FER: variants seen among roughly 807,000 people sequenced by gnomAD.
FER encodes FER tyrosine kinase, also known as tyrosine-protein kinase Fer.
Under a neutral mutation model 111.0 loss-of-function variants are expected in FER, and 63 were observed. That is an observed-to-expected ratio of 0.57 (90% CI 0.46 to 0.70). The LOEUF is 0.70. FER is among the 30% of genes least tolerant of loss of function. The probability of loss-of-function intolerance (pLI) is 0.00; values close to 1 mark genes in which losing one functional copy is unlikely to be tolerated. For synonymous variants in FER, 327 were observed against 313.9 expected (o/e 1.04, Z -0.44); for missense variants, 914 against 954.0 (o/e 0.96, Z 0.55).
At chr5:109,053,309 G>A (rs1458582399) in intron 16 of FER, among the ~76,000 whole-genome samples, 1 of 145,556 alleles carries the variant, frequency 6.9e-6, no homozygotes, top group African/African-American at 2.6e-5. Flanking sequence ...CTTGAACCCA[G>A]AAGGCAGAGG....
At chr5:109,121,449 T>C (rs1488563019) in intron 17 of FER, among the ~76,000 whole-genome samples, 1 of 152,180 alleles carries the variant, frequency 6.6e-6, no homozygotes, top group Non-Finnish European at 1.5e-5. Flanking sequence ...TAAATCCCAC[T>C]TGGTCGTGAT....
intron 11 of FER, among the ~76,000 whole-genome samples, chr5:108,946,529 T>A (rs1047723354): frequency 2.6e-5 from 4 of 152,026 alleles, no homozygotes; most frequent in Non-Finnish European, 2.9e-5. Context: ...ACTTTGATTC[T>A]TACTGGAATA....
intron 2 of FER, among the ~76,000 whole-genome samples, chr5:108,790,527 T>G (rs964020879): frequency 6.6e-6 from 1 of 152,158 alleles, no homozygotes. Context: ...TCTAGGAAAC[T>G]GGGGTACCAA....
intron 15 of FER, 83 bp from the exon 16 acceptor site, chr5:109,047,021 C>A: frequency 1.5e-6 from 1 of 669,430 alleles, no homozygotes. Context: ...CAAGAGTATT[C>A]TAGTTGTAAA....
intron 13 of FER, among the ~76,000 whole-genome samples, chr5:109,016,151 C>A (rs1166426360): frequency 1.3e-5 from 2 of 152,032 alleles, no homozygotes; most frequent in African/African-American, 4.8e-5. Context: ...ACTATAATTA[C>A]ATGCTAATGT....
chr5:108,991,452 A>T (rs1286476595), intron 13 of FER, among the ~76,000 whole-genome samples: 1 of 151,936 alleles, frequency 6.6e-6, no homozygotes, highest in Non-Finnish European at 1.5e-5. Flanking sequence ...GTTTATCCAT[A>T]TGTAAGGTTT....
At chr5:108,840,201 C>G (rs1202526406) in intron 5 of FER, among the ~76,000 whole-genome samples, 2 of 152,140 alleles carry the variant, frequency 1.3e-5, no homozygotes, top group Non-Finnish European at 2.9e-5. Context: ...TAAAAAGCCA[C>G]AATGCAATTA....
At chr5:109,015,505 C>A (rs1283754132) in intron 13 of FER, among the ~76,000 whole-genome samples, 1 of 151,842 alleles carries the variant, frequency 6.6e-6, no homozygotes, top group Non-Finnish European at 1.5e-5. Context: ...CACTCTGGAG[C>A]TATACTGGTG....
rs1751704611 is a variant in FER, at chr5:108,761,181, G to C, written c.-205-6912G>C. 2.0e-5 allele frequency among the ~76,000 whole-genome samples: 3 copies of C among 152,106 alleles called. No homozygotes were observed. The South Asian group carries it at 6.2e-4, about 32-fold the overall frequency. On this transcript the variant is annotated intron_variant, in intron 1 of 19. Transcript: ENST00000281092. ...CTGGCCTCGTGGTCCCCCCACCTCG[G>C]CCTCCCAAAGTGCTGGGATTACAGG...
At chr5:109,179,919 A>G (rs1758113610) in intron 17 of FER, among the ~76,000 whole-genome samples, 1 of 152,096 alleles carries the variant, frequency 6.6e-6, no homozygotes, top group Non-Finnish European at 1.5e-5. Context: ...AATACTTTGG[A>G]AGATTAGAGT....
At chr5:108,764,207 A>G (rs1752060715) in intron 1 of FER, among the ~76,000 whole-genome samples, 2 of 152,310 alleles carry the variant, frequency 1.3e-5, no homozygotes, top group East Asian at 3.9e-4. Context: ...AAGGGGAGAT[A>G]GATGCTTCAG....
At chr5:108,760,885 A>G (rs1226553397) in intron 1 of FER, among the ~76,000 whole-genome samples, 2 of 151,474 alleles carry the variant, frequency 1.3e-5, no homozygotes, top group Non-Finnish European at 2.9e-5. Context: ...TGCTTTTACA[A>G]TGTGGGTGTT....
At chr5:109,016,120 G>A (rs890119691) in intron 13 of FER, among the ~76,000 whole-genome samples, 20 of 151,974 alleles carry the variant, frequency 1.3e-4, no homozygotes, top group African/African-American at 4.3e-4. Flanking sequence ...CCTAAGTTGT[G>A]CACTTCTTCA....
chr5:108,903,490 C>T (rs1472598259), intron 10 of FER, among the ~76,000 whole-genome samples: 1 of 152,142 alleles, frequency 6.6e-6, no homozygotes, highest in African/African-American at 2.4e-5. Flanking sequence ...CATGGCAAAA[C>T]CCTGTCTCTA....
At chr5:108,932,336 G>A (rs1754805407) in intron 10 of FER, among the ~76,000 whole-genome samples, 3 of 152,110 alleles carry the variant, frequency 2.0e-5, no homozygotes, top group Admixed American at 1.3e-4. Context: ...CCATGTTCCT[G>A]CAAAAGACAT....
chr5:109,094,406 C>CA (rs1447998835), intron 16 of FER, among the ~76,000 whole-genome samples: 2 of 152,092 alleles, frequency 1.3e-5, no homozygotes, highest in Non-Finnish European at 2.9e-5. Flanking sequence ...ACATGATACT[C>CA]AAAGGAAATG....
intron 10 of FER, among the ~76,000 whole-genome samples, chr5:108,913,607 A>G (rs546008584): frequency 6.6e-6 from 1 of 152,314 alleles, no homozygotes; most frequent in South Asian, 2.1e-4. Flanking sequence ...AGTGTCTACT[A>G]AAGAAGGAAA....
rs112527489 is a variant in FER at position 109,037,063 on chromosome 5, G to A, written c.1657-359G>A. On this transcript the variant is annotated intron_variant, in intron 13 of 19. Coordinates refer to ENST00000281092, the MANE Select transcript of FER (RefSeq NM_005246.4). Reference sequence around the variant, plus strand: ...AAATGAGAACTGAAAATTTTACATTGTAAAATCAAACTCCCTCATGTATTT... The same window carrying A: ...AAATGAGAACTGAAAATTTTACATTATAAAATCAAACTCCCTCATGTATTT... Among the ~76,000 whole-genome samples, 9 of 152,130 alleles carry A rather than the reference G, an allele frequency of 5.9e-5. No homozygotes were observed. The East Asian group carries it at 9.6e-4, about 16-fold the overall frequency.
At chr5:108,858,766 ATTTTTTTTT>A (rs75243334) in intron 5 of FER, among the ~76,000 whole-genome samples, 1 of 124,730 alleles carries the variant, frequency 8.0e-6, no homozygotes, top group African/African-American at 2.8e-5. Context: ...CAGTTTTTTC[ATTTTTTTTT>A]TTTTTTTTTT....
Sources: gnomAD v4.1 joint callset for allele counts (sites outside exome capture counted in the v4.1 genomes callset) on GRCh38, gnomAD v4.1.1 for gene constraint, MANE v1.5 for transcripts, NCBI Gene and HGNC (gene_info 2026-07-23, HGNC 2026-07-21) for gene names.